The following CCDC149 variants were observed in gnomAD, a reference collection of about 807,000 sequenced individuals.
The protein encoded by CCDC149 is coiled-coil domain-containing protein 149.
CCDC149 carries 45 observed loss-of-function variants against 59.9 expected under a neutral mutation model. The observed-to-expected ratio is 0.75, with a 90% CI of 0.59 to 0.96. The LOEUF is 0.96. CCDC149 is among the 40% of genes least tolerant of loss of function. CCDC149 has a pLI of 0.00. For missense variants in CCDC149, 584 were observed against 664.7 expected (o/e 0.88, Z 1.33); for synonymous variants, 245 against 260.6 (o/e 0.94, Z 0.58).
At chr4:24,932,236 A>G (rs1722617199) in intron 1 of CCDC149, among the ~76,000 whole-genome samples, 1 of 152,216 alleles carries the variant, frequency 6.6e-6, no homozygotes. Context: ...TTTCCAAAAG[A>G]CACTGCATAC....
intron 1 of CCDC149, among the ~76,000 whole-genome samples, chr4:24,898,425 G>T (rs185515491): frequency 1.3e-5 from 2 of 152,112 alleles, no homozygotes; most frequent in African/African-American, 4.8e-5. Context: ...AACTTGAGCC[G>T]GGAAGCTGGC....
At chr4:24,810,648 C>A (rs564314341) in intron 12 of CCDC149, among the ~76,000 whole-genome samples, 5 of 152,164 alleles carry the variant, frequency 3.3e-5, no homozygotes, top group South Asian at 2.1e-4. Flanking sequence ...CATTTGAATG[C>A]ACCACAATTT....
intron 1 of CCDC149, among the ~76,000 whole-genome samples, chr4:24,944,675 A>C (rs1236449936): frequency 6.6e-6 from 1 of 152,006 alleles, no homozygotes; most frequent in Non-Finnish European, 1.5e-5. Context: ...ATGGGTTGAT[A>C]GGTACAGCAA....
intron 1 of CCDC149, among the ~76,000 whole-genome samples, chr4:24,942,699 G>T (rs1467856724): frequency 2.0e-5 from 3 of 152,040 alleles, no homozygotes; most frequent in East Asian, 1.9e-4. Flanking sequence ...TTCAGCAAAG[G>T]CTCAGGATAC....
intron 1 of CCDC149, among the ~76,000 whole-genome samples, chr4:24,883,563 T>C (rs1193450906): frequency 2.0e-5 from 3 of 152,158 alleles, no homozygotes; most frequent in African/African-American, 7.2e-5. Flanking sequence ...GACCATTATG[T>C]CTTGGAAATC....
chr4:24,964,713 C>T (rs1299361779), intron 1 of CCDC149, among the ~76,000 whole-genome samples: 2 of 152,144 alleles, frequency 1.3e-5, no homozygotes, highest in East Asian at 3.9e-4. Context: ...AAGACATGAA[C>T]TTACACATTC....
chr4:24,805,988 T>C (rs989385064), downstream of CCDC149: 6 of 152,220 alleles, frequency 3.9e-5, no homozygotes, highest in African/African-American at 1.4e-4. Flanking sequence ...TCCCTACCGC[T>C]TAAGTTTCTG....
At chr4:24,903,550 C>T (rs187331378) in intron 1 of CCDC149, among the ~76,000 whole-genome samples, 180 of 152,198 alleles carry the variant, frequency 1.2e-3, no homozygotes, top group Non-Finnish European at 1.9e-3. Context: ...TTTTGAATAA[C>T]CATTCACCTC....
chr4:24,919,027 C>T (rs187606368), intron 1 of CCDC149, among the ~76,000 whole-genome samples: 212 of 152,332 alleles, frequency 1.4e-3, no homozygotes, highest in African/African-American at 4.9e-3. Context: ...CCTGCTATTG[C>T]ACCAAGCAGC....
At chr4:24,878,216 T>TAAAAAAAA (rs66494953) in intron 1 of CCDC149, among the ~76,000 whole-genome samples, 6 of 125,142 alleles carry the variant, frequency 4.8e-5, no homozygotes, top group African/African-American at 1.2e-4. Flanking sequence ...TTTTTTTTCC[T>TAAAAAAAA]AAAAAAAAAA....
chr4:24,978,638 A>T (rs921189993), intron 1 of CCDC149, among the ~76,000 whole-genome samples: 1 of 152,152 alleles, frequency 6.6e-6, no homozygotes, highest in Non-Finnish European at 1.5e-5. Flanking sequence ...TGTTGTCTCT[A>T]ATTTTCCCTG....
intron 9 of CCDC149, chr4:24,828,332 T>C (rs1715900600): frequency 6.6e-6 from 1 of 150,930 alleles, no homozygotes; most frequent in African/African-American, 2.4e-5. Context: ...TGTATATACA[T>C]AAATATATTG....
In CCDC149 at chr4:24,860,462, TA is replaced by T. The variant is rs1449747957; in HGVS notation, c.265-7284del. Among the ~76,000 whole-genome samples, 5 of 152,292 alleles carry T rather than the reference TA, an allele frequency of 3.3e-5. No homozygotes were observed. In the East Asian group the frequency reaches 9.6e-4, roughly 29 times the overall value. On this transcript the variant is annotated intron_variant, in intron 3 of 12. Coordinates refer to ENST00000635206, the MANE Select transcript of CCDC149 (RefSeq NM_001330643.2). ...GCCAACTCAAGATGGATGAAGGACT[TA>T]AATCTAAGACCTGAAACCACAAAAA...
intron 9 of CCDC149, among the ~76,000 whole-genome samples, chr4:24,825,792 C>T (rs910747186): frequency 1.6e-4 from 24 of 151,460 alleles, no homozygotes; most frequent in African/African-American, 5.6e-4. Context: ...AAAACACACA[C>T]ATGCTTATTA....
intron 1 of CCDC149, among the ~76,000 whole-genome samples, chr4:24,951,241 G>T (rs896019693): frequency 6.6e-6 from 1 of 152,230 alleles, no homozygotes; most frequent in Admixed American, 6.5e-5. Context: ...GGAGCCTTCA[G>T]GGCAAGCTGC....
rs1161978274 is a variant in CCDC149 at position 24,860,340 on chromosome 4, C to T, written c.265-7161G>A. On this transcript the variant is annotated intron_variant, in intron 3 of 12. Coordinates refer to ENST00000635206, the MANE Select transcript of CCDC149 (RefSeq NM_001330643.2). ...ACAAAGAAAACAAAAACATAAGGTACGGAAAGGACACCCTATTCAACAAAC... is the reference window on the plus strand; with the variant it reads ...ACAAAGAAAACAAAAACATAAGGTATGGAAAGGACACCCTATTCAACAAAC... 4.6e-5 allele frequency among the ~76,000 whole-genome samples: 7 copies of T among 151,968 alleles called. No homozygotes were observed. In the East Asian group the frequency reaches 7.7e-4, roughly 17 times the overall value.
At chr4:24,975,811 A>ATG (rs56776254) in intron 1 of CCDC149, among the ~76,000 whole-genome samples, 44,732 of 151,792 alleles carry the variant, frequency 0.29, 10,385 homozygotes, top group African/African-American at 0.65. Flanking sequence ...CCAATCCCGC[A>ATG]TCTGTCTTTG....
chr4:24,872,052 G>A (rs1230884715), intron 3 of CCDC149, among the ~76,000 whole-genome samples: 3 of 152,182 alleles, frequency 2.0e-5, no homozygotes, highest in Non-Finnish European at 4.4e-5. Context: ...CTCTGAAAAG[G>A]AAGAGCAAAG....
intron 1 of CCDC149, among the ~76,000 whole-genome samples, chr4:24,962,855 T>C (rs56353896): frequency 0.18 from 26,489 of 151,084 alleles, 3,131 homozygotes; most frequent in African/African-American, 0.32. Flanking sequence ...GCATGTTGTG[T>C]ACATGTACCC....
Sources: allele counts gnomAD v4.1 joint callset (sites outside exome capture counted in the v4.1 genomes callset), GRCh38; gene constraint gnomAD v4.1.1; transcripts MANE v1.5; gene names NCBI Gene and HGNC (gene_info 2026-07-23, HGNC 2026-07-21).